MYH15: variants seen among roughly 807,000 people sequenced by gnomAD.
The protein encoded by MYH15 is myosin heavy chain 15, also known as myosin-15.
In MYH15, 227 loss-of-function variants were observed where a neutral mutation model predicts 240.5. The ratio of observed to expected loss-of-function variants is 0.94; its 90% confidence interval spans 0.85 to 1.05. The LOEUF is 1.05. Among genes scored for constraint, MYH15 ranks in the 50% least tolerant of loss-of-function variants. The pLI, the probability that MYH15 is intolerant of heterozygous loss-of-function variation, is 0.00. For missense variants in MYH15, 2,217 were observed against 2,247.5 expected, an observed-to-expected ratio of 0.99 and a Z score of 0.27; for synonymous variants, 785 against 796.7, an observed-to-expected ratio of 0.99 and a Z score of 0.25.
At chr3:108,523,338 G>A (rs980101340) in intron 1 of MYH15, among the ~76,000 whole-genome samples, 5 of 151,738 alleles carry the variant, frequency 3.3e-5, no homozygotes, top group Non-Finnish European at 7.4e-5. Flanking sequence ...TAAGGTGATG[G>A]TCAGTATTTC....
Position 108,416,800 on chromosome 3 carries a change from T to C in MYH15, c.3948+12A>G, listed in dbSNP as rs770095451. 5.1e-6 allele frequency: 8 copies of C among 1,582,874 alleles called. No individual in the cohort carries two copies. The highest frequency in any genetic ancestry group is 1.4e-5 in the African/African-American group (1 of 73,842). Reference sequence around the variant, plus strand: ...CAGTCAAGAAACTAGTGAGAAATAATAGATACATTACTTTGGTCTCCTTTT... The same window carrying C: ...CAGTCAAGAAACTAGTGAGAAATAACAGATACATTACTTTGGTCTCCTTTT... On this transcript the variant is annotated intron_variant, in intron 29 of 40. Transcript: ENST00000693548.
chr3:108,430,869 A>T lies in MYH15; in HGVS notation c.3275T>A (p.Leu1092Gln). 6.2e-7 allele frequency: 1 copy of T among 1,612,614 alleles called. No homozygotes were observed. Among genetic ancestry groups the T allele is most frequent in the Non-Finnish European group, 8.5e-7 (1 of 1,179,744 alleles). ...MNSKVENEKG[L>Q]VAQLQKTVKE... is the part of the protein sequence containing the mutation. ...AACCGTCTTCTGAAGCTGAGCTACCAGGCCTTTCTCATTCTCCACTTTTGA... is the reference window on the plus strand; with the variant it reads ...AACCGTCTTCTGAAGCTGAGCTACCTGGCCTTTCTCATTCTCCACTTTTGA... Residue 1092 changes from leucine (L) to glutamine (Q), a missense_variant, in exon 26 of 41, where the codon CTG (leucine) becomes CAG (glutamine). By Grantham distance (113) the Leu-to-Gln change is moderately radical. Transcript: ENST00000693548.
Position 108,486,415 on chromosome 3 carries a change from A to C in MYH15, c.975+8T>G. 1.2e-6 allele frequency: 2 copies of C among 1,600,120 alleles called. No homozygotes were observed. Among genetic ancestry groups the C allele is most frequent in the Non-Finnish European group, 1.7e-6 (2 of 1,168,924 alleles). ...CCAGATTTTGCTTTGACAACTAACA[A>C]GCCTTACTTCTGTGGCCAGCAATTC... On this transcript the variant is annotated splice_region_variant and intron_variant, in intron 10 of 40. Transcript: ENST00000693548.
At chr3:108,431,132 A>T (rs961975847) in intron 25 of MYH15, among the ~76,000 whole-genome samples, 1 of 152,212 alleles carries the variant, frequency 6.6e-6, no homozygotes, top group Non-Finnish European at 1.5e-5. Flanking sequence ...ATATATCAAT[A>T]AAAAAACACA....
rs534823040 is a variant in MYH15 at position 108,455,394 on chromosome 3, A to G, written c.2262+342T>C. 4.6e-5 allele frequency among the ~76,000 whole-genome samples: 7 copies of G among 152,358 alleles called. 1 individual carries two copies. The South Asian group carries it at 1.4e-3, about 32-fold the overall frequency. On this transcript the variant is annotated intron_variant, in intron 20 of 40. Coordinates refer to ENST00000693548, the MANE Select transcript of MYH15 (RefSeq NM_014981.3). ...ATGGTGGATGAATCAGTTCACACAC[A>G]GACAAGCCATTAGCTCCAGGAAGCT...
rs374289285 is a variant in MYH15, at chr3:108,460,360, T to C, written c.1872A>G (p.Pro624=). 20 of 1,567,280 alleles carry C rather than the reference T, an allele frequency of 1.3e-5. No homozygotes were observed. The highest frequency in any genetic ancestry group is 1.9e-5 in the Admixed American group (1 of 52,212). ...CTTTCTTTCGTTTCTTCTCCCCAAA[T>C]GGTATAGCTAGCAAAAAAAAAAAAA... The part of the protein sequence containing the change: ...ENYMSTDSAI[P]FGEKKRKKGA... Residue 624 remains proline, a synonymous_variant, in exon 17 of 41, where the codon CCA becomes CCG. Transcript: ENST00000693548.
the MYH15 span, among the ~76,000 whole-genome samples, chr3:108,544,332 A>G: frequency 6.6e-6 from 1 of 152,202 alleles, no homozygotes; most frequent in Non-Finnish European, 1.5e-5. Flanking sequence ...GAAAGATTTA[A>G]AAGAGGCATA....
Position 108,437,610 on chromosome 3 carries a change from C to T in MYH15, c.3165G>A (p.Arg1055=), listed in dbSNP as rs750017615. Residue 1055 remains arginine (R), a synonymous_variant, in exon 25 of 41, where the codon CGG becomes CGA. Coordinates refer to ENST00000693548, the MANE Select transcript of MYH15 (RefSeq NM_014981.3). The part of the protein sequence containing the change: ...HKLEGNLKLN[R]ESMENLESSQ... ...TGCTTTCCAGGTTCTCCATACTTTC[C>T]CGATTCAGCTTTAAATTGCCCTCCA... is the stretch of plus-strand genomic sequence containing the variant. The T allele has an allele frequency of 6.2e-7, 1 of 1,614,076 alleles. No homozygotes were observed. Among genetic ancestry groups the T allele is most frequent in the Non-Finnish European group, 8.5e-7 (1 of 1,179,994 alleles).
Position 108,476,503 on chromosome 3 carries a change from G to C in MYH15, c.1127C>G (p.Ala376Gly). Residue 376 changes from alanine to glycine, a missense_variant, in exon 12 of 41, where the codon GCT becomes GGT. Transcript: ENST00000693548. Reference protein sequence around the residue: ...EADGTENADKAAFLMGINSSE... With the variant: ...EADGTENADKGAFLMGINSSE... ...GGAGTTAATGCCCATGAGGAAAGCA[G>C]CTTTGTCAGCATCTGGTCATCAGAA... 6.2e-7 allele frequency: 1 copy of C among 1,607,160 alleles called. No individual in the cohort carries two copies. Among genetic ancestry groups the C allele is most frequent in the Non-Finnish European group, 8.5e-7 (1 of 1,173,904 alleles).
chr3:108,383,715 A>G lies in MYH15; in HGVS notation c.5646T>C (p.Asn1882=). Residue 1882 remains asparagine (N), a synonymous_variant, in exon 40 of 41, where the codon AAT becomes AAC. Transcript: ENST00000693548. ...GTTTCTTATACTTGGAAAGGTATTG[A>G]TTGGCTTGTGTTTCCTATAAAAATA... ...QQVEVAETQA[N]QYLSKYKKQQ... is the part of the protein sequence containing the mutation. 1 of 1,538,046 alleles carries G rather than the reference A, an allele frequency of 6.5e-7. No individual in the cohort carries two copies.
chr3:108,383,224 T>C (rs1259063837), intron 40 of MYH15, among the ~76,000 whole-genome samples: 1 of 152,196 alleles, frequency 6.6e-6, no homozygotes. Context: ...GTGTCTACTG[T>C]GGAAAGAGTT....
intron 27 of MYH15, 23 bp from the exon 28 acceptor site, chr3:108,421,237 T>C (rs771296379): frequency 6.2e-7 from 1 of 1,606,492 alleles, no homozygotes; most frequent in Non-Finnish European, 8.5e-7. Context: ...AAAGAAGGGC[T>C]GGTCAGGGCT....
chr3:108,487,112 T>C (rs1341794900), intron 9 of MYH15, among the ~76,000 whole-genome samples: 1 of 152,194 alleles, frequency 6.6e-6, no homozygotes, highest in Non-Finnish European at 1.5e-5. Context: ...CTAAGAGTCC[T>C]GACATGATTC....
intron 27 of MYH15, 105 bp from the exon 28 acceptor site, chr3:108,421,319 T>G (rs1352703753): frequency 8.3e-6 from 11 of 1,323,248 alleles, no homozygotes; most frequent in African/African-American, 1.5e-5. Flanking sequence ...GCATGCTCTC[T>G]TCTGTAGTAA....
At chr3:108,507,240 T>TTC (rs1312830773) in intron 1 of MYH15, among the ~76,000 whole-genome samples, 15 of 22,740 alleles carry the variant, frequency 6.6e-4, no homozygotes, top group East Asian at 1.5e-3. Context: ...TATATATATA[T>TTC]ATATATATAT....
chr3:108,531,548 A>G (rs181926237), upstream of MYH15, among the ~76,000 whole-genome samples: 8 of 152,236 alleles, frequency 5.3e-5, no homozygotes, highest in Admixed American at 5.2e-4. Context: ...TTATAAAAGT[A>G]AAGGCAGATC....
chr3:108,498,107 T>A lies in MYH15; in HGVS notation c.563A>T (p.His188Leu). The change falls in exon 6 of 41, where the codon CAT becomes CTT. Residue 188 changes from histidine (H) to leucine (L), a missense_variant. Physicochemically the swap from His to Leu is moderately conservative, Grantham distance 99. Coordinates refer to ENST00000693548, the MANE Select transcript of MYH15 (RefSeq NM_014981.3). ...SGAGKTVNSK[H>L]IIQYFATIAA... ...TATGGTGGCAAAATACTGGATAATATGTTTGCTGTTCACAGTCTTTCCAGC... is the reference window on the plus strand; with the variant it reads ...TATGGTGGCAAAATACTGGATAATAAGTTTGCTGTTCACAGTCTTTCCAGC... 1 of 1,614,166 alleles carries A rather than the reference T, an allele frequency of 6.2e-7. No individual in the cohort carries two copies. The highest frequency in any genetic ancestry group is 8.5e-7 in the Non-Finnish European group (1 of 1,179,996).
intron 15 of MYH15, among the ~76,000 whole-genome samples, chr3:108,463,860 A>T (rs1560393970): frequency 6.6e-6 from 1 of 152,114 alleles, no homozygotes; most frequent in Non-Finnish European, 1.5e-5. Flanking sequence ...GGAGAGAGCA[A>T]CAGAGAGGAA....
intron 14 of MYH15, among the ~76,000 whole-genome samples, chr3:108,466,539 G>A (rs919782044): frequency 1.3e-5 from 2 of 152,138 alleles, no homozygotes; most frequent in Admixed American, 6.5e-5. Context: ...TTTCTGTTGT[G>A]CTCCCATGTG....
Sources: gnomAD v4.1 joint callset for allele counts (sites outside exome capture counted in the v4.1 genomes callset) on GRCh38, gnomAD v4.1.1 for gene constraint, MANE v1.5 for transcripts, NCBI Gene and HGNC (gene_info 2026-07-23, HGNC 2026-07-21) for gene names.